Variants in SHMT1 observed in about 807,000 individuals in gnomAD.
The protein encoded by SHMT1 is serine hydroxymethyltransferase 1, also known as serine hydroxymethyltransferase, cytosolic.
A neutral mutation model predicts 49.0 loss-of-function variants in SHMT1; 45 were observed. That is an observed-to-expected ratio of 0.92 (90% CI 0.72 to 1.18). The LOEUF (loss-of-function observed/expected upper bound fraction) is 1.18. Ranked by LOEUF, SHMT1 falls within the 50% of genes most tolerant of loss-of-function variation. The pLI, the probability that SHMT1 is intolerant of heterozygous loss-of-function variation, is 0.00. For synonymous variants in SHMT1, 232 were observed against 246.6 expected (o/e 0.94, Z 0.55); for missense variants, 541 against 612.4 (o/e 0.88, Z 1.23).
intron 3 of SHMT1, among the ~76,000 whole-genome samples, chr17:18,351,847 G>A (rs116519785): frequency 1.9e-3 from 293 of 151,632 alleles, no homozygotes; most frequent in African/African-American, 6.8e-3. Flanking sequence ...GTTTTTCGGG[G>A]TTTTTTTTAA....
chr17:18,353,479 C>T, intron 3 of SHMT1, 193 bp downstream of exon 3: 2 of 701,506 alleles, frequency 2.9e-6, no homozygotes, highest in South Asian at 1.6e-5. Flanking sequence ...CCCCTGAGTA[C>T]ACCTGCGCTG....
chr17:18,336,886 C>A (rs1218346621), intron 7 of SHMT1, among the ~76,000 whole-genome samples: 1 of 151,690 alleles, frequency 6.6e-6, no homozygotes, highest in African/African-American at 2.4e-5. Flanking sequence ...GTTGAAGTTG[C>A]AGTGAGCTTT....
At chr17:18,336,771 C>A (rs1465815718) in intron 7 of SHMT1, among the ~76,000 whole-genome samples, 1 of 152,044 alleles carries the variant, frequency 6.6e-6, no homozygotes, top group Non-Finnish European at 1.5e-5. Flanking sequence ...AAAGAGAGAA[C>A]CCATGTCCAC....
chr17:18,328,740 G>GC lies in SHMT1; in HGVS notation c.*9dup, dbSNP rs1290558313. The GC allele has an allele frequency of 1.9e-6, 3 of 1,556,454 alleles. No homozygotes were observed. The highest frequency in any genetic ancestry group is 1.7e-6 in the Non-Finnish European group (2 of 1,150,258). ...GTGGCGCCAGGTGGGTCCAGAGTGG[G>GC]CCCGCTCCTTTAGAAGTCAGGCAGG... On this transcript the variant is annotated 3_prime_UTR_variant, in exon 12 of 12. Transcript: ENST00000316694.
intron 5 of SHMT1, among the ~76,000 whole-genome samples, chr17:18,345,597 G>T (rs1047166437): frequency 2.6e-5 from 4 of 151,942 alleles, no homozygotes; most frequent in Non-Finnish European, 4.4e-5. Flanking sequence ...GGCTGGTCTT[G>T]AACTCCTGAC....
At chr17:18,332,168 A>G (rs1392516824) in intron 9 of SHMT1, 1 of 152,294 alleles carries the variant, frequency 6.6e-6, no homozygotes, top group East Asian at 1.9e-4. Context: ...AGCACCCTGA[A>G]GTTCACAGTC....
In SHMT1 at chr17:18,353,652, C is replaced by T. The variant is rs1410155898; in HGVS notation, c.242+20G>A. 2 of 1,613,438 alleles carry T rather than the reference C, an allele frequency of 1.2e-6. No homozygotes were observed. Among genetic ancestry groups the T allele is most frequent in the Admixed American group, 1.7e-5 (1 of 59,966 alleles). Reference sequence around the variant, plus strand: ...CCCTATGACTGTGTCAGAACCAGGCCTTTGAAGATATTCACATACCTCTGG... The same window carrying T: ...CCCTATGACTGTGTCAGAACCAGGCTTTTGAAGATATTCACATACCTCTGG... On this transcript the variant is annotated intron_variant, in intron 3 of 11. Coordinates refer to ENST00000316694, the MANE Select transcript of SHMT1 (RefSeq NM_004169.5).
chr17:18,353,295 C>G (rs1567790802), intron 3 of SHMT1, among the ~76,000 whole-genome samples: 1 of 152,206 alleles, frequency 6.6e-6, no homozygotes, highest in African/African-American at 2.4e-5. Flanking sequence ...CCTCCACTTC[C>G]ACACCATTCC....
intron 3 of SHMT1, chr17:18,353,403 G>A (rs1985913429): frequency 2.1e-6 from 1 of 475,244 alleles, no homozygotes; most frequent in Admixed American, 3.3e-5. Context: ...CACCAGTCCA[G>A]TGGCTCAATA....
At chr17:18,355,025 T>G (rs1411494442) in intron 2 of SHMT1, among the ~76,000 whole-genome samples, 4 of 111,508 alleles carry the variant, frequency 3.6e-5, no homozygotes, top group Non-Finnish European at 6.7e-5. Context: ...CACTCCAGCC[T>G]GAGCAACAGA....
intron 3 of SHMT1, 72 bp downstream of exon 3, chr17:18,353,600 G>T (rs1285992957): frequency 1.3e-6 from 2 of 1,509,066 alleles, no homozygotes; most frequent in South Asian, 2.3e-5. Context: ...TTTCCAAATT[G>T]TTTAGGTCCT....
chr17:18,338,804 G>A (rs1306268810), intron 7 of SHMT1, among the ~76,000 whole-genome samples: 3 of 152,092 alleles, frequency 2.0e-5, no homozygotes, highest in Non-Finnish European at 4.4e-5. Flanking sequence ...AATGGATTAA[G>A]GGTGGTGCAA....
rs1483916131 is a variant in SHMT1 at position 18,340,891 on chromosome 17, T to C, written c.520-78A>G. 2 of 990,436 alleles carry C rather than the reference T, an allele frequency of 2.0e-6. No homozygotes were observed. The highest frequency in any genetic ancestry group is 3.1e-6 in the Non-Finnish European group (2 of 636,626). The allele number at this position is 990,436 out of a possible 1,614,324, so 61.4% of individuals were successfully genotyped here. ...CTCCTGTCCTCCCACTTGAACTGGC[T>C]CCACCCACCATGACAAGAGGAATGA... On this transcript the variant is annotated intron_variant, in intron 5 of 11. Coordinates refer to ENST00000316694, the MANE Select transcript of SHMT1 (RefSeq NM_004169.5). This position sits in a 1 kb window ranked among gnomAD's most constrained non-coding sequence, Gnocchi z 4.5.
At chr17:18,332,568 C>CA (rs953881228) in intron 9 of SHMT1, 6 of 179,838 alleles carry the variant, frequency 3.3e-5, no homozygotes, top group South Asian at 2.5e-4. Context: ...TGCTGCCTGC[C>CA]AAAAAAATGC....
intron 10 of SHMT1, 50 bp from the exon 11 acceptor site, chr17:18,329,438 A>ACT: frequency 2.1e-6 from 3 of 1,417,396 alleles, no homozygotes; most frequent in Non-Finnish European, 3.0e-6. Context: ...CACCACTGTG[A>ACT]TGGTGGTGCA....
At chr17:18,330,745 G>A (rs989562874) in intron 9 of SHMT1, 74 bp from the exon 10 acceptor site, 9 of 1,068,544 alleles carry the variant, frequency 8.4e-6, no homozygotes, top group African/African-American at 3.1e-5. Flanking sequence ...AAACGAAGGC[G>A]AGGATGAAGG....
chr17:18,331,126 G>A (rs2151563786), intron 9 of SHMT1: 3 of 312,544 alleles, frequency 9.6e-6, no homozygotes, highest in South Asian at 8.7e-5. Flanking sequence ...CGGATCCTGT[G>A]AGGCTGATGG....
intron 5 of SHMT1, among the ~76,000 whole-genome samples, chr17:18,343,249 A>C (rs1468637065): frequency 6.8e-6 from 1 of 147,772 alleles, no homozygotes; most frequent in African/African-American, 2.5e-5. Context: ...TCGATGTAAA[A>C]TTTAAAATAA....
At chr17:18,329,446 G>A (rs1377150553) in intron 10 of SHMT1, 58 bp from the exon 11 acceptor site, 1 of 1,390,180 alleles carries the variant, frequency 7.2e-7, no homozygotes, top group Non-Finnish European at 1.0e-6. Flanking sequence ...TGATGGTGGT[G>A]CATTTAAAAA....
Sources: allele counts gnomAD v4.1 joint callset (sites outside exome capture counted in the v4.1 genomes callset), GRCh38; gene constraint gnomAD v4.1.1; non-coding constraint Gnocchi (gnomAD v3.1); transcripts MANE v1.5; gene names NCBI Gene and HGNC (gene_info 2026-07-23, HGNC 2026-07-21).